The following RNGTT variants were observed in gnomAD, a reference collection of about 807,000 sequenced individuals.
RNGTT encodes the protein mRNA-capping enzyme.
RNGTT carries 33 observed loss-of-function variants against 79.3 expected under a neutral mutation model. That is an observed-to-expected ratio of 0.42 (90% CI 0.32 to 0.56). The LOEUF (loss-of-function observed/expected upper bound fraction) is 0.56. Among genes scored for constraint, RNGTT ranks in the 20% least tolerant of loss-of-function variants. RNGTT has a pLI of 0.17. For missense variants in RNGTT, 497 were observed against 739.1 expected (o/e 0.67, Z 3.80); for synonymous variants, 222 against 235.9 (o/e 0.94, Z 0.54).
chr6:88,752,704 T>C (rs1777879522), intron 13 of RNGTT, among the ~76,000 whole-genome samples: 1 of 152,134 alleles, frequency 6.6e-6, no homozygotes, highest in African/African-American at 2.4e-5. Flanking sequence ...TTTCAAGATT[T>C]CACCATCTAA....
intron 14 of RNGTT, 114 bp downstream of exon 14, chr6:88,678,239 T>TCC: frequency 7.0e-7 from 1 of 1,429,578 alleles, no homozygotes. Context: ...TGTCTTAGCC[T>TCC]CCCAAAGTGC....
chr6:88,764,707 C>T (rs1182146624), intron 13 of RNGTT, among the ~76,000 whole-genome samples: 4 of 152,110 alleles, frequency 2.6e-5, no homozygotes, highest in Non-Finnish European at 5.9e-5. Flanking sequence ...AAGAATACAA[C>T]TATGTAGAAG....
At chr6:88,932,974 G>T (rs1172455151) in intron 2 of RNGTT, among the ~76,000 whole-genome samples, 15 of 152,002 alleles carry the variant, frequency 9.9e-5, no homozygotes, top group Admixed American at 9.8e-4. Context: ...TTTCCTGCCT[G>T]GTATTCATCT....
chr6:88,830,726 T>C (rs928152844), intron 11 of RNGTT, among the ~76,000 whole-genome samples: 4 of 151,342 alleles, frequency 2.6e-5, no homozygotes, highest in Non-Finnish European at 2.9e-5. Context: ...AAGAATCAAA[T>C]AGACACAATA....
intron 14 of RNGTT, among the ~76,000 whole-genome samples, chr6:88,654,499 C>T (rs189279665): frequency 6.6e-6 from 1 of 152,270 alleles, no homozygotes; most frequent in Admixed American, 6.5e-5. Context: ...GCAAGGCTCC[C>T]CTCTGTTCTT....
At chr6:88,941,454 G>A (rs1471022627) in intron 1 of RNGTT, among the ~76,000 whole-genome samples, 1 of 152,072 alleles carries the variant, frequency 6.6e-6, no homozygotes, top group Non-Finnish European at 1.5e-5. Context: ...TTTTAGTAGA[G>A]ACAGGGTTTC....
At position 88,901,495 on chromosome 6, in the gene RNGTT, C is replaced by CTTTTTTTTTTTTTTTTTTTTTT. The variant is rs71024314; in HGVS notation, c.684+3198_684+3219dup. Among the ~76,000 whole-genome samples the CTTTTTTTTTTTTTTTTTTTTTT allele has an allele frequency of 4.7e-4, 31 of 65,810 alleles. 6 individuals are homozygous for CTTTTTTTTTTTTTTTTTTTTTT. The highest frequency in any genetic ancestry group is 3.1e-3 in the South Asian group (5 of 1,620). 43.2% of individuals were successfully genotyped at this position (65,810 alleles called of 152,430 possible). A position where few individuals can be genotyped will look rare whatever the true frequency, so the allele number is the denominator to read the frequency against. Reference sequence around the variant, plus strand: ...AAAAATAACTGTCAAGCACCCTGATCTTTTTTTTTTTTTTTTTTTTTTTTT... The same window carrying CTTTTTTTTTTTTTTTTTTTTTT: ...AAAAATAACTGTCAAGCACCCTGATCTTTTTTTTTTTTTTTTTTTTTTTTTTTTTTTTTTTTTTTTTTTTTTT... On this transcript the variant is annotated intron_variant, in intron 6 of 15. Transcript: ENST00000369485.
intron 8 of RNGTT, among the ~76,000 whole-genome samples, chr6:88,883,023 T>C (rs1390302868): frequency 6.6e-6 from 1 of 152,126 alleles, no homozygotes; most frequent in Non-Finnish European, 1.5e-5. Context: ...AAAGAAGCTC[T>C]CTAATCTTCC....
intron 14 of RNGTT, among the ~76,000 whole-genome samples, chr6:88,635,714 T>C (rs1370363070): frequency 3.9e-5 from 6 of 152,122 alleles, no homozygotes; most frequent in Non-Finnish European, 8.8e-5. Context: ...ACCTTGGAGT[T>C]GATGCAGTTC....
chr6:88,926,116 C>T (rs931897744), intron 4 of RNGTT, among the ~76,000 whole-genome samples: 53 of 152,218 alleles, frequency 3.5e-4, no homozygotes, highest in African/African-American at 1.2e-3. Flanking sequence ...CTATTTTCTC[C>T]TATATTCTTT....
intron 13 of RNGTT, among the ~76,000 whole-genome samples, chr6:88,735,691 G>T (rs984566273): frequency 2.0e-5 from 3 of 151,884 alleles, no homozygotes; most frequent in African/African-American, 7.2e-5. Flanking sequence ...TCAAAGCAGT[G>T]ATTTCAGGGA....
At chr6:88,729,004 G>A (rs1001815199) in intron 13 of RNGTT, among the ~76,000 whole-genome samples, 4 of 152,162 alleles carry the variant, frequency 2.6e-5, no homozygotes, top group Non-Finnish European at 4.4e-5. Flanking sequence ...CCAGTCGACC[G>A]GGCGTGGGCT....
intron 14 of RNGTT, among the ~76,000 whole-genome samples, chr6:88,632,223 A>C (rs1185741620): frequency 6.6e-6 from 1 of 152,068 alleles, no homozygotes; most frequent in Non-Finnish European, 1.5e-5. Context: ...TAGCCTCCCA[A>C]AGTGCTGTGA....
At chr6:88,648,059 G>A (rs1773647277) in intron 14 of RNGTT, among the ~76,000 whole-genome samples, 1 of 152,110 alleles carries the variant, frequency 6.6e-6, no homozygotes, top group Non-Finnish European at 1.5e-5. Flanking sequence ...CAGAACATCA[G>A]AAACAACAAA....
At chr6:88,859,096 A>G (rs1376186609) in intron 8 of RNGTT, among the ~76,000 whole-genome samples, 1 of 151,954 alleles carries the variant, frequency 6.6e-6, no homozygotes, top group African/African-American at 2.4e-5. Flanking sequence ...GGCTCAAGCA[A>G]TCCTCCCACC....
intron 11 of RNGTT, among the ~76,000 whole-genome samples, chr6:88,832,995 A>C (rs1780927829): frequency 6.6e-6 from 1 of 152,222 alleles, no homozygotes; most frequent in East Asian, 1.9e-4. Context: ...AATTAGTTCC[A>C]TCATTGTGGA....
chr6:88,690,120 AAGAAAGTATTATCAC>A (rs2127795328), intron 13 of RNGTT, among the ~76,000 whole-genome samples: 1 of 152,190 alleles, frequency 6.6e-6, no homozygotes, highest in East Asian at 1.9e-4. Flanking sequence ...GAAAAACAAG[AAGAAAGTATTATCAC>A]AGATTGGATG....
chr6:88,847,014 C>T (rs755002944), intron 10 of RNGTT, among the ~76,000 whole-genome samples: 4 of 151,882 alleles, frequency 2.6e-5, no homozygotes, highest in Non-Finnish European at 4.4e-5. Context: ...TGCAAATTTG[C>T]TTTAATTTTA....
chr6:88,741,648 T>C (rs1425934695), intron 13 of RNGTT, among the ~76,000 whole-genome samples: 1 of 152,192 alleles, frequency 6.6e-6, no homozygotes, highest in African/African-American at 2.4e-5. Flanking sequence ...AACTGCTCCA[T>C]ATTACAAAGC....
Sources: gnomAD v4.1 joint callset for allele counts (sites outside exome capture counted in the v4.1 genomes callset) on GRCh38, gnomAD v4.1.1 for gene constraint, MANE v1.5 for transcripts, NCBI Gene and HGNC (gene_info 2026-07-23, HGNC 2026-07-21) for gene names.